EBF2: variants seen among roughly 807,000 people sequenced by gnomAD.
EBF2 encodes transcription factor COE2.
EBF2 carries 21 observed loss-of-function variants against 72.8 expected under a neutral mutation model. That is an observed-to-expected ratio of 0.29 (90% CI 0.20 to 0.42). The LOEUF is 0.42. Among genes scored for constraint, EBF2 ranks in the 10% least tolerant of loss-of-function variants. EBF2 has a pLI of 1.00. For missense variants in EBF2, 637 were observed against 731.2 expected (o/e 0.87, Z 1.49); for synonymous variants, 299 against 274.2 (o/e 1.09, Z -0.89).
rs1294867966 is a variant in EBF2, at chr8:25,843,457, G to A, written c.*1152C>T. On this transcript the variant is annotated 3_prime_UTR_variant, in exon 16 of 16. Coordinates refer to ENST00000520164, the MANE Select transcript of EBF2 (RefSeq NM_022659.4). ...CTATGGGGCTGTGTACCTCTGTACT[G>A]AACCAGGCACCCAAAGCGGAGGGAG... 6.6e-6 allele frequency: 1 copy of A among 152,232 alleles called. No individual in the cohort carries two copies. Among genetic ancestry groups the A allele is most frequent in the East Asian group, 1.9e-4 (1 of 5,176 alleles). The allele number at this position is 152,232 out of a possible 1,614,324, so 9.4% of individuals were successfully genotyped here.
chr8:25,915,438 A>G (rs1039658941), intron 6 of EBF2, among the ~76,000 whole-genome samples: 4 of 152,172 alleles, frequency 2.6e-5, no homozygotes, highest in African/African-American at 9.7e-5. Context: ...CAAACAAATA[A>G]AAATGTCTAC....
chr8:25,853,844 AAAAAC>A (rs1802031606), intron 14 of EBF2, among the ~76,000 whole-genome samples: 1 of 152,074 alleles, frequency 6.6e-6, no homozygotes, highest in African/African-American at 2.4e-5. Flanking sequence ...CAGATGAAAA[AAAAAC>A]AGATTACATA....
chr8:25,981,364 G>A (rs1365267706), intron 6 of EBF2, among the ~76,000 whole-genome samples: 1 of 151,902 alleles, frequency 6.6e-6, no homozygotes, highest in African/African-American at 2.4e-5. Context: ...GTCAATTGTT[G>A]CAAGGCAAAC....
In EBF2 at chr8:25,919,716, GC is replaced by G. The variant is rs371165841; in HGVS notation, c.552-11162del. On this transcript the variant is annotated intron_variant, in intron 6 of 15. Transcript: ENST00000520164. ...TACACCAGCACCTCGGAGGCTGTTGGCCAAAGCCGGGAGCAGATGCCAGGGG... is the reference window on the plus strand; with the variant it reads ...TACACCAGCACCTCGGAGGCTGTTGGCAAAGCCGGGAGCAGATGCCAGGGG... 2.6e-3 allele frequency among the ~76,000 whole-genome samples: 391 copies of G among 152,296 alleles called. 4 individuals are homozygous for G. The highest frequency in any genetic ancestry group is 9.1e-3 in the African/African-American group (377 of 41,554).
At chr8:25,987,374 G>T (rs983463422) in intron 6 of EBF2, among the ~76,000 whole-genome samples, 30 of 152,174 alleles carry the variant, frequency 2.0e-4, no homozygotes, top group African/African-American at 5.6e-4. Flanking sequence ...TCAGTAGCTT[G>T]CTCAAGTTCA....
chr8:25,925,409 G>A (rs1382816034), intron 6 of EBF2, among the ~76,000 whole-genome samples: 3 of 151,932 alleles, frequency 2.0e-5, no homozygotes, highest in African/African-American at 7.3e-5. Flanking sequence ...GTGCCTTACA[G>A]TAAGTGTATC....
At chr8:25,935,403 G>T (rs17810433) in intron 6 of EBF2, among the ~76,000 whole-genome samples, 1 of 152,148 alleles carries the variant, frequency 6.6e-6, no homozygotes, top group African/African-American at 2.4e-5. Context: ...CTCCAGGGCC[G>T]CATCAATAAA....
chr8:25,877,817 G>A (rs1203260541), intron 10 of EBF2, among the ~76,000 whole-genome samples: 1 of 152,162 alleles, frequency 6.6e-6, no homozygotes, highest in Non-Finnish European at 1.5e-5. Flanking sequence ...CCTCCCACGG[G>A]TGGAGTGCTT....
At chr8:25,852,855 A>G (rs967889651) in intron 14 of EBF2, among the ~76,000 whole-genome samples, 6 of 152,240 alleles carry the variant, frequency 3.9e-5, no homozygotes, top group African/African-American at 7.2e-5. Flanking sequence ...TCATAAAACA[A>G]CACCGTAAGA....
intron 6 of EBF2, among the ~76,000 whole-genome samples, chr8:25,997,744 C>A (rs1804657577): frequency 6.6e-6 from 1 of 152,118 alleles, no homozygotes; most frequent in African/African-American, 2.4e-5. Context: ...CTCTCTGGCC[C>A]TTAGTGGATA....
intron 7 of EBF2, among the ~76,000 whole-genome samples, chr8:25,903,300 C>G (rs1033221471): frequency 2.0e-5 from 3 of 151,484 alleles, no homozygotes; most frequent in African/African-American, 7.3e-5. Flanking sequence ...TTCCTAAGAG[C>G]TGGGATTACA....
At chr8:26,024,071 T>C (rs1317704632) in intron 6 of EBF2, among the ~76,000 whole-genome samples, 1 of 152,166 alleles carries the variant, frequency 6.6e-6, no homozygotes, top group East Asian at 1.9e-4. Context: ...TCTCTCCAAC[T>C]TCTCTTACTG....
Position 26,044,768 on chromosome 8 carries a change from C to T in EBF2, c.92G>A (p.Arg31Gln). The T allele has an allele frequency of 1.9e-6, 3 of 1,614,164 alleles. No homozygotes were observed. The highest frequency in any genetic ancestry group is 2.5e-6 in the Non-Finnish European group (3 of 1,180,024). Residue 31 changes from arginine to glutamine, a missense_variant, in exon 1 of 16, where the codon CGG (arginine) becomes CAG (glutamine). Transcript: ENST00000520164. The surrounding 1 kb of genome is among the most constrained non-coding windows in gnomAD (Gnocchi z 4.1). ...ATTAGCGTCCACCACTCCGACATTC[C>T]GGACCCAGGACCTGACCGAATCCAT... ...AEMDSVRSWV[R>Q]NVGVVDANVA... is the part of the protein sequence containing the mutation.
intron 6 of EBF2, among the ~76,000 whole-genome samples, chr8:25,951,607 T>G (rs1803862873): frequency 6.6e-6 from 1 of 152,184 alleles, no homozygotes; most frequent in African/African-American, 2.4e-5. Context: ...GAAATTCACT[T>G]GGGAAGGGAG....
At chr8:25,954,582 A>G (rs1427914573) in intron 6 of EBF2, among the ~76,000 whole-genome samples, 1 of 152,198 alleles carries the variant, frequency 6.6e-6, no homozygotes, top group Non-Finnish European at 1.5e-5. Flanking sequence ...GAAGGGAATC[A>G]ATGCGGAGGA....
intron 6 of EBF2, among the ~76,000 whole-genome samples, chr8:25,954,267 C>A (rs1368093235): frequency 1.3e-5 from 2 of 152,150 alleles, no homozygotes; most frequent in Non-Finnish European, 2.9e-5. Flanking sequence ...TTTCCTGGAG[C>A]CTCCATTCTG....
At chr8:25,901,772 C>A (rs1002932210) in intron 7 of EBF2, among the ~76,000 whole-genome samples, 11 of 152,190 alleles carry the variant, frequency 7.2e-5, no homozygotes, top group African/African-American at 2.4e-4. Context: ...TATACTTGAC[C>A]AAGCTGCTGA....
chr8:25,968,951 G>A (rs1435277968), intron 6 of EBF2, among the ~76,000 whole-genome samples: 1 of 151,872 alleles, frequency 6.6e-6, no homozygotes, highest in Non-Finnish European at 1.5e-5. Flanking sequence ...CACACTTAAA[G>A]ATGGTTAAGG....
intron 6 of EBF2, among the ~76,000 whole-genome samples, chr8:25,936,858 T>G (rs1349155728): frequency 6.6e-6 from 1 of 152,222 alleles, no homozygotes; most frequent in African/African-American, 2.4e-5. Flanking sequence ...TTCATCTGTG[T>G]TTCATGCCTA....
Sources: gnomAD v4.1 joint callset for allele counts (sites outside exome capture counted in the v4.1 genomes callset) on GRCh38, gnomAD v4.1.1 for gene constraint, Gnocchi (gnomAD v3.1) non-coding constraint, MANE v1.5 for transcripts, NCBI Gene and HGNC (gene_info 2026-07-23, HGNC 2026-07-21) for gene names.